The following PCLO variants were observed in gnomAD, a reference collection of about 807,000 sequenced individuals.
PCLO encodes the protein piccolo presynaptic cytomatrix protein.
A neutral mutation model predicts 427.5 loss-of-function variants in PCLO; 82 were observed. That is an observed-to-expected ratio of 0.19 (90% CI 0.16 to 0.23). PCLO has a LOEUF of 0.23. Among genes scored for constraint, PCLO ranks in the 10% least tolerant of loss-of-function variants. The probability of loss-of-function intolerance (pLI) is 1.00; values close to 1 mark genes in which losing one functional copy is unlikely to be tolerated. For missense variants in PCLO, 6,239 were observed against 6,115.9 expected, an observed-to-expected ratio of 1.02 and a Z score of -0.67; for synonymous variants, 2,357 against 2,155.4, an observed-to-expected ratio of 1.09 and a Z score of -2.59.
intron 3 of PCLO, among the ~76,000 whole-genome samples, chr7:83,119,743 A>G (rs145450601): frequency 6.6e-6 from 1 of 152,042 alleles, no homozygotes; most frequent in African/African-American, 2.4e-5. Context: ...AACCTTTCAG[A>G]CGGAGAATTC....
chr7:82,931,258 A>G (rs1485344897), intron 6 of PCLO, among the ~76,000 whole-genome samples: 1 of 152,180 alleles, frequency 6.6e-6, no homozygotes, highest in Non-Finnish European at 1.5e-5. Flanking sequence ...TGCATGGCAT[A>G]TAAGATTTGA....
At chr7:82,984,408 C>CTG (rs5885327) in intron 3 of PCLO, among the ~76,000 whole-genome samples, 41,119 of 135,658 alleles carry the variant, frequency 0.3, 6,297 homozygotes, top group Non-Finnish European at 0.38. Flanking sequence ...AATGTGGTGT[C>CTG]TGTGTGTGTG....
chr7:82,824,801 T>G (rs1362087311), intron 18 of PCLO, among the ~76,000 whole-genome samples: 1 of 151,470 alleles, frequency 6.6e-6, no homozygotes, highest in Non-Finnish European at 1.5e-5. Context: ...AAAAAAAAAT[T>G]AGCTGGGCGT....
intron 4 of PCLO, among the ~76,000 whole-genome samples, chr7:82,962,562 G>C (rs1795677180): frequency 6.6e-6 from 1 of 151,894 alleles, no homozygotes. Flanking sequence ...AATATTCCCT[G>C]TTTCTCTTAA....
chr7:82,953,315 T>A lies in PCLO; in HGVS notation c.7638A>T (p.Leu2546Phe). ...LSLTSSMTLN[L>F]VTSADYKLPS... The stretch of plus-strand genomic sequence containing the variant: ...GCAATTTATAATCTGCTGAAGTCAC[T>A]AAATTTAAGGTCATACTTGAAGTTA... The change falls in exon 5 of 25, where the codon TTA (leucine) becomes TTT (phenylalanine). Residue 2546 changes from leucine (L) to phenylalanine (F), a missense_variant. By Grantham distance (22) the Leu-to-Phe change is conservative (BLOSUM62 0). Around this residue, in one of 5 missense-constraint regions of PCLO, gnomAD observed 4,677 missense variants for 4,468.4 expected, o/e 1.05. Coordinates refer to ENST00000333891, the MANE Select transcript of PCLO (RefSeq NM_033026.6). 1 of 1,613,728 alleles carries A rather than the reference T, an allele frequency of 6.2e-7. No homozygotes were observed. Among genetic ancestry groups the A allele is most frequent in the Non-Finnish European group, 8.5e-7 (1 of 1,179,828 alleles).
In PCLO at chr7:82,845,479, T is replaced by G; in HGVS notation, c.13838A>C (p.Lys4613Thr). 1 of 1,608,036 alleles carries G rather than the reference T, an allele frequency of 6.2e-7. No homozygotes were observed. Among genetic ancestry groups the G allele is most frequent in the Non-Finnish European group, 8.5e-7 (1 of 1,175,736 alleles). The change falls in exon 13 of 25, where the codon AAG becomes ACG. Residue 4613 changes from lysine (K) to threonine (T), a missense_variant. Physicochemically the swap from Lys to Thr is moderately conservative, Grantham distance 78. Around this residue, in one of 5 missense-constraint regions of PCLO, gnomAD observed 877 missense variants for 925.5 expected, o/e 0.95. Transcript: ENST00000333891. The stretch of plus-strand genomic sequence containing the variant: ...AGGATCAACCCCTGGGGATTTCGCC[T>G]TATCCACTACAACAAAATGAAAGAG... ...ELHEPPKAVD[K>T]AKSPGVDPKQ...
chr7:82,764,424 A>G (rs1232313247), intron 22 of PCLO, among the ~76,000 whole-genome samples: 1 of 152,006 alleles, frequency 6.6e-6, no homozygotes, highest in East Asian at 1.9e-4. Flanking sequence ...ATAAAATAAA[A>G]TGCAGAGTTG....
At chr7:83,062,081 T>C (rs549564829) in intron 3 of PCLO, among the ~76,000 whole-genome samples, 2 of 152,186 alleles carry the variant, frequency 1.3e-5, no homozygotes, top group Non-Finnish European at 2.9e-5. Flanking sequence ...CAGCAGGCTT[T>C]AAGAAGTATG....
chr7:82,995,760 T>A lies in PCLO; in HGVS notation c.3301-29273A>T, dbSNP rs556392923. Among the ~76,000 whole-genome samples, 6 of 152,094 alleles carry A rather than the reference T, an allele frequency of 3.9e-5. No individual in the cohort carries two copies. In the East Asian group the frequency reaches 7.8e-4, roughly 20 times the overall value. On this transcript the variant is annotated intron_variant, in intron 3 of 24. Transcript: ENST00000333891. ...TTCTTCATATTAAAACTGGTAATGA[T>A]AATAGTACTTATCTCATTCAGTTTT...
intron 2 of PCLO, among the ~76,000 whole-genome samples, chr7:83,142,989 T>C (rs1260154623): frequency 6.6e-5 from 10 of 152,146 alleles, no homozygotes; most frequent in Admixed American, 6.5e-4. Flanking sequence ...TATGCTTACT[T>C]TTACCTCTAT....
chr7:83,056,278 A>T, intron 3 of PCLO, among the ~76,000 whole-genome samples: 1 of 152,182 alleles, frequency 6.6e-6, no homozygotes, highest in Non-Finnish European at 1.5e-5. Context: ...GAATTAAAAC[A>T]AATACATAGT....
rs183916755 is a variant in PCLO, at chr7:83,155,894, T to C, written c.747A>G (p.Ser249=). ...TTGGCTTTCCTGTACCTGGAGGTTG[T>C]GATTTAATTTTTTCTGGTTGTTGAG... The part of the protein sequence containing the change: ...ISSQQPEKIK[S]QPPGTGKPIQ... Residue 249 remains serine, a synonymous_variant, in exon 2 of 25, where the codon TCA becomes TCG. Transcript: ENST00000333891. 30 of 1,613,918 alleles carry C rather than the reference T, an allele frequency of 1.9e-5. No homozygotes were observed. In the East Asian group the frequency reaches 6.2e-4, roughly 34 times the overall value.
Position 82,949,673 on chromosome 7 carries a change from C to G in PCLO, c.10915G>C (p.Ala3639Pro). 1 of 1,613,778 alleles carries G rather than the reference C, an allele frequency of 6.2e-7. No individual in the cohort carries two copies. Among genetic ancestry groups the G allele is most frequent in the African/African-American group, 1.3e-5 (1 of 74,976 alleles). Residue 3639 changes from alanine to proline, a missense_variant, in exon 6 of 25, where the codon GCC (alanine) becomes CCC (proline). By Grantham distance (27) the Ala-to-Pro change is conservative (BLOSUM62 -1). Transcript: ENST00000333891. ...PLSPGKALES[A>P]FVPYEKPLPD... ...AGGGGTTTTTCATAAGGTACAAAGG[C>G]TGATTCTAAGGCTTTGCCTGGTGAA...
At position 82,883,535 on chromosome 7, in the gene PCLO, A is replaced by G. The variant is rs558093328; in HGVS notation, c.13529-4073T>C. Among the ~76,000 whole-genome samples, 5 of 150,266 alleles carry G rather than the reference A, an allele frequency of 3.3e-5. No homozygotes were observed. The East Asian group carries it at 9.7e-4, about 29-fold the overall frequency. On this transcript the variant is annotated intron_variant, in intron 9 of 24. Coordinates refer to ENST00000333891, the MANE Select transcript of PCLO (RefSeq NM_033026.6). ...ATCCAATTATTGGTCAGTATTTAAAAAAAAATTCCTATAAACACAACAATG... is the reference window on the plus strand; with the variant it reads ...ATCCAATTATTGGTCAGTATTTAAAGAAAAATTCCTATAAACACAACAATG...
chr7:82,948,441 G>A (rs1795254246), intron 6 of PCLO, among the ~76,000 whole-genome samples: 1 of 152,100 alleles, frequency 6.6e-6, no homozygotes, highest in Non-Finnish European at 1.5e-5. Context: ...CCCACAGCCA[G>A]TGTTTAACAC....
Position 82,756,694 on chromosome 7 carries a change from C to T in PCLO, c.*1881G>A, listed in dbSNP as rs996051129. The stretch of plus-strand genomic sequence containing the variant: ...GTTTTCTCTAATTCCACTAACACTT[C>T]ACCCTTAAATAAAGCAGCAGGTTTT... On this transcript the variant is annotated 3_prime_UTR_variant, in exon 25 of 25. Coordinates refer to ENST00000333891, the MANE Select transcript of PCLO (RefSeq NM_033026.6). The T allele has an allele frequency of 6.6e-6, 1 of 152,006 alleles. No homozygotes were observed. Among genetic ancestry groups the T allele is most frequent in the Admixed American group, 6.6e-5 (1 of 15,220 alleles). 9.4% of individuals were successfully genotyped at this position (152,006 alleles called of 1,614,324 possible).
At chr7:83,091,375 T>C (rs1173711979) in intron 3 of PCLO, among the ~76,000 whole-genome samples, 1 of 152,136 alleles carries the variant, frequency 6.6e-6, no homozygotes, top group Non-Finnish European at 1.5e-5. Flanking sequence ...TCCAGGCAAT[T>C]GAAGAAAATG....
At chr7:82,802,678 C>A (rs1375727934) in intron 21 of PCLO, among the ~76,000 whole-genome samples, 4 of 152,136 alleles carry the variant, frequency 2.6e-5, no homozygotes, top group Non-Finnish European at 4.4e-5. Context: ...GTAGACAACA[C>A]TTCTAGCATA....
chr7:82,991,712 GA>G (rs1225139510), intron 3 of PCLO, among the ~76,000 whole-genome samples: 1 of 152,038 alleles, frequency 6.6e-6, no homozygotes, highest in Non-Finnish European at 1.5e-5. Flanking sequence ...TGCTCATTTT[GA>G]AAACAGATTA....
Sources: allele counts gnomAD v4.1 joint callset (sites outside exome capture counted in the v4.1 genomes callset), GRCh38; gene constraint gnomAD v4.1.1; regional missense constraint gnomAD v4.1.1; transcripts MANE v1.5; gene names NCBI Gene and HGNC (gene_info 2026-07-23, HGNC 2026-07-21).